The following MRC2 variants were observed in gnomAD, a reference collection of about 807,000 sequenced individuals.
MRC2 encodes C-type mannose receptor 2.
In MRC2, 84 loss-of-function variants were observed where a neutral mutation model predicts 206.2. The ratio of observed to expected loss-of-function variants is 0.41; its 90% CI spans 0.34 to 0.49. MRC2 has a LOEUF of 0.49. Among genes scored for constraint, MRC2 ranks in the 20% least tolerant of loss-of-function variants. The probability of loss-of-function intolerance (pLI) is 0.31; values close to 1 mark genes in which losing one functional copy is unlikely to be tolerated. For missense variants in MRC2, 1,676 were observed against 2,001.5 expected (o/e 0.84, Z 3.10); for synonymous variants, 798 against 800.0 (o/e 1.00, Z 0.04).
At position 62,671,783 on chromosome 17, in the gene MRC2, G is replaced by A. The variant is rs763864112; in HGVS notation, c.1252G>A (p.Val418Ile). 6.2e-7 allele frequency: 1 copy of A among 1,612,166 alleles called. No individual in the cohort carries two copies. Among genetic ancestry groups the A allele is most frequent in the Non-Finnish European group, 8.5e-7 (1 of 1,178,798 alleles). The change falls in exon 7 of 30, where the codon GTC (valine) becomes ATC (isoleucine). Residue 418 changes from valine (V) to isoleucine (I), a missense_variant. By Grantham distance (29) the Val-to-Ile change is conservative (BLOSUM62 3). Coordinates refer to ENST00000303375, the MANE Select transcript of MRC2 (RefSeq NM_006039.5). This position sits in a 1 kb window ranked among gnomAD's most constrained non-coding sequence, Gnocchi z 4.5. ...ATGTCTACGGGGCGGTGGCGACCTG[G>A]TCAGCATCCACAGCATGGCGGAGCT... ...KACLRGGGDL[V>I]SIHSMAELEF...
intron 1 of MRC2, among the ~76,000 whole-genome samples, chr17:62,645,871 C>A (rs1568052411): frequency 6.6e-6 from 1 of 151,388 alleles, no homozygotes; most frequent in African/African-American, 2.4e-5. Context: ...GAGATGTTTT[C>A]ATGTTGTTTC....
intron 6 of MRC2, among the ~76,000 whole-genome samples, chr17:62,670,623 A>G (rs755755571): frequency 2.0e-5 from 3 of 152,168 alleles, no homozygotes; most frequent in Admixed American, 6.5e-5. Context: ...TCGGATCCCA[A>G]CCCCTAGAAG....
chr17:62,644,747 G>T (rs2088454509), intron 1 of MRC2, among the ~76,000 whole-genome samples: 1 of 152,002 alleles, frequency 6.6e-6, no homozygotes, highest in Non-Finnish European at 1.5e-5. Context: ...AGCACAGCCC[G>T]CAGATCCTCA....
At chr17:62,689,000 C>A in intron 23 of MRC2, 40 bp downstream of exon 23, 1 of 1,524,518 alleles carries the variant, frequency 6.6e-7, no homozygotes, top group Non-Finnish European at 9.1e-7. Context: ...CAGTGGGGCC[C>A]TGGCACCGGG....
intron 10 of MRC2, among the ~76,000 whole-genome samples, chr17:62,676,141 A>G (rs1026156459): frequency 6.6e-6 from 1 of 152,162 alleles, no homozygotes; most frequent in Non-Finnish European, 1.5e-5. Flanking sequence ...TACTTGAGAA[A>G]GAGAGGCCTT....
intron 1 of MRC2, among the ~76,000 whole-genome samples, chr17:62,636,707 C>T (rs1046638440): frequency 3.0e-4 from 46 of 151,950 alleles, no homozygotes; most frequent in Non-Finnish European, 5.0e-4. Context: ...CTCCTGACCT[C>T]GTGATCCGCC....
chr17:62,676,386 C>T lies in MRC2; in HGVS notation c.1689C>T (p.Phe563=), dbSNP rs756270150. Reference sequence around the variant, plus strand: ...CTGACCAGCCTGTCTCCTGAAGGTTCGAGCAGGCCTTCGTCAGCAGCCTCA... The same window carrying T: ...CTGACCAGCCTGTCTCCTGAAGGTTTGAGCAGGCCTTCGTCAGCAGCCTCA... The part of the protein sequence containing the change: ...GSQLVTITNR[F]EQAFVSSLIY... Residue 563 remains phenylalanine, a synonymous_variant, in exon 11 of 30, where the codon TTC becomes TTT. Coordinates refer to ENST00000303375, the MANE Select transcript of MRC2 (RefSeq NM_006039.5). 8 of 1,613,844 alleles carry T rather than the reference C, an allele frequency of 5.0e-6. No individual in the cohort carries two copies. The African/African-American group carries it at 6.7e-5, about 13-fold the overall frequency.
intron 1 of MRC2, among the ~76,000 whole-genome samples, chr17:62,662,295 C>T (rs971199904): frequency 6.6e-6 from 1 of 151,690 alleles, no homozygotes; most frequent in African/African-American, 2.4e-5. Flanking sequence ...GGAGAATGGA[C>T]TATAATAGGA....
In MRC2 at chr17:62,667,486, A is replaced by G. The variant is rs2088772636; in HGVS notation, c.1070A>G (p.Tyr357Cys). The G allele has an allele frequency of 1.2e-6, 2 of 1,612,296 alleles. No individual in the cohort carries two copies. The highest frequency in any genetic ancestry group is 1.3e-5 in the African/African-American group (1 of 74,862). The change falls in exon 6 of 30, where the codon TAT becomes TGT. Residue 357 changes from tyrosine (Y) to cysteine (C), a missense_variant. Tyr to Cys is a radical substitution (Grantham distance 194). Transcript: ENST00000303375. This position sits in a 1 kb window ranked among gnomAD's most constrained non-coding sequence, Gnocchi z 4.1. Reference protein sequence around the residue: ...QNRDCSIALPYVCKKKPNATA... With the variant: ...QNRDCSIALPCVCKKKPNATA... ...CGTGACTGCAGCATCGCGCTGCCCT[A>G]TGTGTGCAAGAAGAAGCCCAACGCC...
In MRC2 at chr17:62,682,392, T is replaced by C; in HGVS notation, c.2946+15T>C. On this transcript the variant is annotated intron_variant, in intron 20 of 29. Coordinates refer to ENST00000303375, the MANE Select transcript of MRC2 (RefSeq NM_006039.5). The stretch of plus-strand genomic sequence containing the variant: ...TCCTCAACAAGGTAGGAGGTGGCAA[T>C]GGGGCACCCAAGGGAGTCAGGGGAG... 1 of 1,601,386 alleles carries C rather than the reference T, an allele frequency of 6.2e-7. No homozygotes were observed. The highest frequency in any genetic ancestry group is 1.3e-5 in the African/African-American group (1 of 74,528).
intron 1 of MRC2, among the ~76,000 whole-genome samples, chr17:62,640,723 C>T (rs1426168455): frequency 1.3e-4 from 20 of 149,284 alleles, no homozygotes; most frequent in African/African-American, 4.5e-4. Context: ...CTCGCTCTGT[C>T]GCCCAGGCTG....
intron 1 of MRC2, among the ~76,000 whole-genome samples, chr17:62,635,006 G>T (rs913978358): frequency 2.0e-5 from 3 of 151,314 alleles, no homozygotes; most frequent in African/African-American, 7.3e-5. Flanking sequence ...AATTTTTGTA[G>T]TTTTAGTGGA....
chr17:62,680,678 G>C lies in MRC2; in HGVS notation c.2474-122G>C, dbSNP rs2088953016. On this transcript the variant is annotated intron_variant, in intron 16 of 29. Coordinates refer to ENST00000303375, the MANE Select transcript of MRC2 (RefSeq NM_006039.5). The surrounding 1 kb of genome is among the most constrained non-coding windows in gnomAD (Gnocchi z 4.8). Reference sequence around the variant, plus strand: ...CCTGGCACGGTGCCTGCCTGGGTCCGGTGTGCCTGCAGGCTCGCCTGCTGC... The same window carrying C: ...CCTGGCACGGTGCCTGCCTGGGTCCCGTGTGCCTGCAGGCTCGCCTGCTGC... 3.8e-6 allele frequency: 5 copies of C among 1,316,714 alleles called. No homozygotes were observed. The highest frequency in any genetic ancestry group is 5.0e-6 in the Non-Finnish European group (5 of 998,984). The allele number at this position is 1,316,714 out of a possible 1,614,324, so 81.6% of individuals were successfully genotyped here. A position where few individuals can be genotyped will look rare whatever the true frequency, so the allele number is the denominator to read the frequency against.
rs1388502619 is a variant in MRC2 at position 62,672,621 on chromosome 17, C to T, written c.1461+469C>T. Reference sequence around the variant, plus strand: ...ATTGTTGGGTTTTATGACAATTTGCCATGGTTTGGGCTTAGATGTGGTGTA... The same window carrying T: ...ATTGTTGGGTTTTATGACAATTTGCTATGGTTTGGGCTTAGATGTGGTGTA... On this transcript the variant is annotated intron_variant, in intron 8 of 29. Transcript: ENST00000303375. This position sits in a 1 kb window ranked among gnomAD's most constrained non-coding sequence, Gnocchi z 4.5. 6.6e-6 allele frequency among the ~76,000 whole-genome samples: 1 copy of T among 152,078 alleles called. No individual in the cohort carries two copies. Among genetic ancestry groups the T allele is most frequent in the Non-Finnish European group, 1.5e-5 (1 of 68,022 alleles).
intron 13 of MRC2, 195 bp from the exon 14 acceptor site, chr17:62,679,605 A>G (rs2088935133): frequency 2.0e-6 from 1 of 493,902 alleles, no homozygotes; most frequent in South Asian, 2.7e-5. Context: ...AGCTCTCCCC[A>G]GCTCTGTCTT....
In MRC2 at chr17:62,676,012, A is replaced by G. The variant is rs1040101491; in HGVS notation, c.1685+107A>G. 1.5e-5 allele frequency: 14 copies of G among 911,820 alleles called. No homozygotes were observed. In the African/African-American group the frequency reaches 2.1e-4, roughly 14 times the overall value. The allele number at this position is 911,820 out of a possible 1,614,324, so 56.5% of individuals were successfully genotyped here. ...TGCCATCATGCCCAGAGGGACCTGG[A>G]GTCCTGTGAACCTCAGTGGGCTCCA... On this transcript the variant is annotated intron_variant, in intron 10 of 29. Transcript: ENST00000303375.
Position 62,688,246 on chromosome 17 carries a change from G to A in MRC2, c.2947-43G>A, listed in dbSNP as rs768152497. ...AGTGGCCTTTCTGGGTTTGTGGATG[G>A]GGTGGTGGGGCTGGCCATTACATCC... On this transcript the variant is annotated intron_variant, in intron 20 of 29. Transcript: ENST00000303375. 5 of 1,568,810 alleles carry A rather than the reference G, an allele frequency of 3.2e-6. 1 individual carries two copies. In the South Asian group the frequency reaches 5.6e-5, roughly 17 times the overall value.
chr17:62,653,415 C>G (rs1461773798), intron 1 of MRC2, among the ~76,000 whole-genome samples: 1 of 152,070 alleles, frequency 6.6e-6, no homozygotes, highest in Non-Finnish European at 1.5e-5. Flanking sequence ...AGCAAAACCG[C>G]GGGAAAGGTG....
intron 1 of MRC2, among the ~76,000 whole-genome samples, chr17:62,656,466 A>G (rs1598977604): frequency 6.6e-6 from 1 of 152,234 alleles, no homozygotes; most frequent in Admixed American, 6.5e-5. Context: ...TGCAGGGATT[A>G]CAGGCATGAG....
Sources: gnomAD v4.1 joint callset for allele counts (sites outside exome capture counted in the v4.1 genomes callset) on GRCh38, gnomAD v4.1.1 for gene constraint, Gnocchi (gnomAD v3.1) non-coding constraint, MANE v1.5 for transcripts, NCBI Gene and HGNC (gene_info 2026-07-23, HGNC 2026-07-21) for gene names.